Variants in BCAS3 observed in about 807,000 individuals in gnomAD.
The protein encoded by BCAS3 is BCAS4/BCAS3 fusion.
BCAS3 carries 53 observed loss-of-function variants against 116.1 expected under a neutral mutation model. The ratio of observed to expected loss-of-function variants is 0.46; its 90% CI spans 0.37 to 0.57. The LOEUF (loss-of-function observed/expected upper bound fraction) is 0.57. Ranked by LOEUF, BCAS3 falls within the 20% of genes least tolerant of loss-of-function variation. The pLI is 0.00. For missense variants in BCAS3, 917 were observed against 1,165.4 expected, an observed-to-expected ratio of 0.79 and a Z score of 3.10; for synonymous variants, 391 against 408.2, an observed-to-expected ratio of 0.96 and a Z score of 0.51.
intron 2 of BCAS3, among the ~76,000 whole-genome samples, chr17:60,681,798 C>T (rs1437321978): frequency 1.3e-5 from 2 of 152,038 alleles, no homozygotes; most frequent in Non-Finnish European, 2.9e-5. Context: ...GGCACGATCT[C>T]GGCTCACCGC....
At chr17:61,197,564 A>G (rs1011559192) in intron 22 of BCAS3, among the ~76,000 whole-genome samples, 3 of 152,208 alleles carry the variant, frequency 2.0e-5, no homozygotes, top group African/African-American at 7.2e-5. Context: ...TGTCAAAACT[A>G]GAAGGAACTG....
intron 14 of BCAS3, among the ~76,000 whole-genome samples, chr17:60,955,386 A>ATTTTTTTTTT (rs1016334366): frequency 3.9e-5 from 5 of 128,086 alleles, no homozygotes; most frequent in African/African-American, 1.8e-4. Flanking sequence ...GGGAAACTGA[A>ATTTTTTTTTT]TTTTTTTTTT....
chr17:61,340,268 G>T lies in BCAS3; in HGVS notation c.2426-28059G>T, dbSNP rs531936734. Among the ~76,000 whole-genome samples the T allele has an allele frequency of 3.1e-4, 46 of 149,870 alleles. 1 individual carries two copies. The Middle Eastern group carries it at 0.017, about 55-fold the overall frequency. On this transcript the variant is annotated intron_variant, in intron 22 of 23. Coordinates refer to ENST00000407086, the MANE Select transcript of BCAS3 (RefSeq NM_017679.5). ...ATAGTGATGGCAAGAGGGGGTGGGG[G>T]CTGGTGCATACATGGAGGGATTGAC...
At chr17:61,067,311 ATATATT>A (rs2070773560) in intron 19 of BCAS3, among the ~76,000 whole-genome samples, 2 of 135,100 alleles carry the variant, frequency 1.5e-5, no homozygotes, top group African/African-American at 2.8e-5. Context: ...ATATATATAT[ATATATT>A]TATACAGACT....
chr17:60,715,295 G>A (rs918710161), intron 5 of BCAS3, among the ~76,000 whole-genome samples: 11 of 150,858 alleles, frequency 7.3e-5, no homozygotes, highest in South Asian at 4.2e-4. Flanking sequence ...CACCACACTC[G>A]GCTAATTGTT....
chr17:60,934,987 A>C (rs1444304018), intron 13 of BCAS3, among the ~76,000 whole-genome samples: 2 of 152,124 alleles, frequency 1.3e-5, no homozygotes, highest in Non-Finnish European at 2.9e-5. Context: ...GTGAAACCCC[A>C]TCTCTACTAA....
chr17:61,161,392 T>C lies in BCAS3; in HGVS notation c.2425+76828T>C, dbSNP rs1601648881. ...GGCCTGGGATGGATTTTGATCATGT[T>C]ACAAGGCCCACTTGTTGCATTTAAT... On this transcript the variant is annotated intron_variant, in intron 22 of 23. Transcript: ENST00000407086. The surrounding 1 kb of genome is among the most constrained non-coding windows in gnomAD (Gnocchi z 4.8). Among the ~76,000 whole-genome samples the C allele has an allele frequency of 6.6e-6, 1 of 152,212 alleles. No individual in the cohort carries two copies.
rs958900762 is a variant in BCAS3, at chr17:61,041,054, C to T, written c.2029+162C>T. 5.3e-5 allele frequency among the ~76,000 whole-genome samples: 8 copies of T among 152,010 alleles called. No individual in the cohort carries two copies. Among genetic ancestry groups the T allele is most frequent in the African/African-American group, 1.9e-4 (8 of 41,378 alleles). ...ATTTAATATGAATATAAACTGTAAG[C>T]CTTAGTATACATTATGTCTCTGACT... is the stretch of plus-strand genomic sequence containing the variant. On this transcript the variant is annotated intron_variant, in intron 19 of 23. Coordinates refer to ENST00000407086, the MANE Select transcript of BCAS3 (RefSeq NM_017679.5). This position sits in a 1 kb window ranked among gnomAD's most constrained non-coding sequence, Gnocchi z 4.7.
intron 19 of BCAS3, among the ~76,000 whole-genome samples, chr17:61,072,403 A>G (rs749073578): frequency 7.2e-5 from 11 of 152,102 alleles, no homozygotes; most frequent in Non-Finnish European, 1.0e-4. Flanking sequence ...ATTATAATAT[A>G]TTATCCCTAT....
chr17:60,686,463 A>G lies in BCAS3; in HGVS notation c.138+2427A>G, dbSNP rs149335188. 4.2e-3 allele frequency among the ~76,000 whole-genome samples: 634 copies of G among 152,162 alleles called. 2 individuals are homozygous for G. Among genetic ancestry groups the G allele is most frequent in the African/African-American group, 0.015 (614 of 41,532 alleles). ...TTGAATTCTAGTTGTGATAACATTG[A>G]TGGATGGTAGTTGCCCTTGGCTGTG... is the stretch of plus-strand genomic sequence containing the variant. On this transcript the variant is annotated intron_variant, in intron 3 of 23. Transcript: ENST00000407086.
At position 60,889,745 on chromosome 17, in the gene BCAS3, C is replaced by T. The variant is rs758268067; in HGVS notation, c.712C>T (p.Arg238Cys). The change falls in exon 10 of 24, where the codon CGC (arginine) becomes TGC (cysteine). Residue 238 changes from arginine (R) to cysteine (C), a missense_variant. Physicochemically the swap from Arg to Cys is radical, Grantham distance 180. This residue lies in a region of BCAS3 where 807 missense variants were observed against 1,026.0 expected (regional missense o/e 0.79). Transcript: ENST00000407086. ...PNMNPIALGS[R>C]WLAYAENKLI... ...CATGAATCCTATTGCTCTTGGGAGCCGCTGGCTTGCTTATGCAGAAAACAA... is the reference window on the plus strand; with the variant it reads ...CATGAATCCTATTGCTCTTGGGAGCTGCTGGCTTGCTTATGCAGAAAACAA... 7.9e-5 allele frequency: 128 copies of T among 1,613,092 alleles called. No individual in the cohort carries two copies. The highest frequency in any genetic ancestry group is 9.3e-5 in the Non-Finnish European group (110 of 1,179,904).
intron 22 of BCAS3, among the ~76,000 whole-genome samples, chr17:61,101,553 C>A (rs1333000357): frequency 6.6e-6 from 1 of 152,054 alleles, no homozygotes; most frequent in Non-Finnish European, 1.5e-5. Flanking sequence ...TACACTGATT[C>A]TAAATGGACC....
chr17:60,741,397 T>C (rs2144227216), intron 5 of BCAS3, among the ~76,000 whole-genome samples: 1 of 152,274 alleles, frequency 6.6e-6, no homozygotes, highest in South Asian at 2.1e-4. Context: ...GAAGGATTGG[T>C]CATTATTGTA....
rs1482919622 is a variant in BCAS3, at chr17:61,380,614, C to T, written c.2594-11363C>T. On this transcript the variant is annotated intron_variant, in intron 23 of 23. Coordinates refer to ENST00000407086, the MANE Select transcript of BCAS3 (RefSeq NM_017679.5). The surrounding 1 kb of genome is among the most constrained non-coding windows in gnomAD (Gnocchi z 4.2). The stretch of plus-strand genomic sequence containing the variant: ...TTTGCCTATGTGGAAGGGGTTGTCC[C>T]GTTGCTTCTTTTGTCCCTCAAGAGG... The T allele has an allele frequency of 4.5e-6, 7 of 1,571,238 alleles. No homozygotes were observed. The highest frequency in any genetic ancestry group is 3.4e-5 in the Admixed American group (2 of 59,516).
intron 4 of BCAS3, among the ~76,000 whole-genome samples, chr17:60,702,967 CTTTT>C (rs1012860132): frequency 1.1e-4 from 17 of 151,926 alleles, no homozygotes; most frequent in Non-Finnish European, 2.2e-4. Flanking sequence ...TTGCTTAATA[CTTTT>C]TTATCTCATA....
At chr17:60,843,279 C>T (rs1212975576) in intron 7 of BCAS3, among the ~76,000 whole-genome samples, 7 of 150,886 alleles carry the variant, frequency 4.6e-5, no homozygotes, top group African/African-American at 1.2e-4. Flanking sequence ...TGCAGTGGCA[C>T]GATCTCGGCT....
chr17:60,736,835 C>T (rs894664384), intron 5 of BCAS3, among the ~76,000 whole-genome samples: 2 of 152,028 alleles, frequency 1.3e-5, no homozygotes, highest in Admixed American at 6.6e-5. Flanking sequence ...CTTTATTATC[C>T]TTTTAATGTC....
At position 61,205,761 on chromosome 17, in the gene BCAS3, A is replaced by C. The variant is rs182055775; in HGVS notation, c.2425+121197A>C. Among the ~76,000 whole-genome samples, 1 of 152,342 alleles carries C rather than the reference A, an allele frequency of 6.6e-6. No individual in the cohort carries two copies. The highest frequency in any genetic ancestry group is 6.5e-5 in the Admixed American group (1 of 15,300). ...TATTTAGTCTTAAAATGGCTAATTT[A>C]AAGTTTCTGAAGCTTTGTAGGAGCC... On this transcript the variant is annotated intron_variant, in intron 22 of 23. Transcript: ENST00000407086. This position sits in a 1 kb window ranked among gnomAD's most constrained non-coding sequence, Gnocchi z 5.2.
chr17:61,364,208 A>T lies in BCAS3; in HGVS notation c.2426-4119A>T, dbSNP rs1159414868. Among the ~76,000 whole-genome samples the T allele has an allele frequency of 2.0e-5, 3 of 152,172 alleles. No individual in the cohort carries two copies. The highest frequency in any genetic ancestry group is 4.4e-5 in the Non-Finnish European group (3 of 68,020). On this transcript the variant is annotated intron_variant, in intron 22 of 23. Coordinates refer to ENST00000407086, the MANE Select transcript of BCAS3 (RefSeq NM_017679.5). The surrounding 1 kb of genome is among the most constrained non-coding windows in gnomAD (Gnocchi z 5.4). Reference sequence around the variant, plus strand: ...TGATATCTCCCATCTTCGCTCCTCAACTTCCTAGCTGTGCGCATGCGAAGA... The same window carrying T: ...TGATATCTCCCATCTTCGCTCCTCATCTTCCTAGCTGTGCGCATGCGAAGA...
Sources: gnomAD v4.1 joint callset for allele counts (sites outside exome capture counted in the v4.1 genomes callset) on GRCh38, gnomAD v4.1.1 for gene constraint, gnomAD v4.1.1 regional missense constraint, Gnocchi (gnomAD v3.1) non-coding constraint, MANE v1.5 for transcripts, NCBI Gene and HGNC (gene_info 2026-07-23, HGNC 2026-07-21) for gene names.